Variants in IGLL5 observed in about 807,000 individuals in gnomAD.
The protein encoded by IGLL5 is immunoglobulin lambda like polypeptide 5, also known as immunoglobulin lambda-like polypeptide 5.
In IGLL5, 30 loss-of-function variants were observed where a neutral mutation model predicts 20.9. The ratio of observed to expected loss-of-function variants is 1.44; its 90% CI spans 1.07 to 1.95. IGLL5 has a LOEUF of 1.95. IGLL5 is among the 30% of genes most tolerant of loss of function. The probability of loss-of-function intolerance (pLI) is 0.00; values close to 1 mark genes in which losing one functional copy is unlikely to be tolerated. For synonymous variants in IGLL5, 203 were observed against 117.3 expected (o/e 1.73, Z -4.72); for missense variants, 475 against 270.7 (o/e 1.75, Z -5.30).
rs561384152 is a variant in IGLL5 at position 22,893,443 on chromosome 22, C to A, written c.207-257C>A. On this transcript the variant is annotated intron_variant, in intron 1 of 2. Coordinates refer to ENST00000526893, the MANE Select transcript of IGLL5 (RefSeq NM_001178126.2). ...GTTGGACAGGTCCAAGCCAACTCAG[C>A]ACTCCTCTGCCACACTGCACAGGAG... 4.0e-5 allele frequency among the ~76,000 whole-genome samples: 6 copies of A among 151,182 alleles called. No individual in the cohort carries two copies. In the East Asian group the frequency reaches 1.2e-3, roughly 31 times the overall value.
At chr22:22,888,705 C>G in intron 1 of IGLL5, among the ~76,000 whole-genome samples, 1 of 151,366 alleles carries the variant, frequency 6.6e-6, no homozygotes, top group Middle Eastern at 3.7e-3. Context: ...GCAGCAAGGG[C>G]TTGGTTTGGT....
chr22:22,894,208 T>C (rs1601624552), intron 2 of IGLL5, among the ~76,000 whole-genome samples: 3 of 151,098 alleles, frequency 2.0e-5, no homozygotes, highest in South Asian at 2.1e-4. Flanking sequence ...AGCTGCTGAG[T>C]CTCATAGTCT....
At chr22:22,892,263 ATCT>A (rs1324450437) in intron 1 of IGLL5, among the ~76,000 whole-genome samples, 1 of 151,214 alleles carries the variant, frequency 6.6e-6, no homozygotes, top group Non-Finnish European at 1.5e-5. Context: ...TGTTTCAAAA[ATCT>A]TCTGCACATG....
At position 22,893,686 on chromosome 22, in the gene IGLL5, G is replaced by T; in HGVS notation, c.207-14G>T. 1 of 1,574,470 alleles carries T rather than the reference G, an allele frequency of 6.4e-7. No individual in the cohort carries two copies. Among genetic ancestry groups the T allele is most frequent in the South Asian group, 1.1e-5 (1 of 88,384 alleles). ...CCCCGCCCACTGCAACCCTGTGCCC[G>T]TCATGCCCAGCAGGCTCCTGCTCCA... On this transcript the variant is annotated splice_polypyrimidine_tract_variant and intron_variant, in intron 1 of 2. Transcript: ENST00000526893.
chr22:22,889,917 T>C (rs561758718), intron 1 of IGLL5, among the ~76,000 whole-genome samples: 1 of 151,316 alleles, frequency 6.6e-6, no homozygotes, highest in East Asian at 2.0e-4. Context: ...TTAAAGTATA[T>C]ATGCATTTTC....
chr22:22,894,878 T>A (rs529991236), intron 2 of IGLL5, among the ~76,000 whole-genome samples: 2 of 151,280 alleles, frequency 1.3e-5, no homozygotes, highest in Admixed American at 6.6e-5. Context: ...CTGTGAGGGA[T>A]AGGAAGCTCC....
chr22:22,889,285 T>A (rs1601607330), intron 1 of IGLL5, among the ~76,000 whole-genome samples: 2 of 150,940 alleles, frequency 1.3e-5, no homozygotes, highest in South Asian at 2.1e-4. Context: ...AATGGGAGCA[T>A]GAAGTTGAAG....
chr22:22,894,196 GGA>G (rs2067996766), intron 2 of IGLL5, among the ~76,000 whole-genome samples: 1 of 151,350 alleles, frequency 6.6e-6, no homozygotes, highest in African/African-American at 2.4e-5. Flanking sequence ...GGTGGGCCTG[GGA>G]GCTGCTGAGT....
chr22:22,894,304 A>G (rs2068013969), intron 2 of IGLL5, among the ~76,000 whole-genome samples: 5 of 151,366 alleles, frequency 3.3e-5, no homozygotes, highest in East Asian at 2.0e-4. Context: ...GCCTGGTGAC[A>G]CAGAGGTCAC....
At chr22:22,890,222 T>G (rs2067785068) in intron 1 of IGLL5, among the ~76,000 whole-genome samples, 2 of 149,812 alleles carry the variant, frequency 1.3e-5, no homozygotes, top group African/African-American at 4.9e-5. Context: ...TGCTTCTGCT[T>G]ACCATCTCTC....
chr22:22,888,563 A>AGGCAGG, intron 1 of IGLL5, among the ~76,000 whole-genome samples: 1 of 151,372 alleles, frequency 6.6e-6, no homozygotes, highest in East Asian at 2.0e-4. Flanking sequence ...GAAGGAACAG[A>AGGCAGG]GGCAGGGACA....
rs773989304 is a variant in IGLL5 at position 22,888,028 on chromosome 22, A to T, written c.-26A>T. ...GGGAGCCCATGCTGCAAGTCGGGCC[A>T]GAGGTGCCCCTGAACCTGAAGGCCA... is the stretch of plus-strand genomic sequence containing the variant. On this transcript the variant is annotated 5_prime_UTR_variant, in exon 1 of 3. Transcript: ENST00000526893. 6.5e-7 allele frequency: 1 copy of T among 1,542,542 alleles called. No homozygotes were observed.
At position 22,894,292 on chromosome 22, in the gene IGLL5, C is replaced by T. The variant is rs567827941; in HGVS notation, c.325+474C>T. Among the ~76,000 whole-genome samples, 138 of 151,222 alleles carry T rather than the reference C, an allele frequency of 9.1e-4. 1 individual carries two copies. Among genetic ancestry groups the T allele is most frequent in the Non-Finnish European group, 9.0e-4 (61 of 67,850 alleles). On this transcript the variant is annotated intron_variant, in intron 2 of 2. Transcript: ENST00000526893. ...GCCAATCCAGCCTGGGAGGGCCACACGGCCTGGTGACACAGAGGTCACCCC... is the reference window on the plus strand; with the variant it reads ...GCCAATCCAGCCTGGGAGGGCCACATGGCCTGGTGACACAGAGGTCACCCC...
At chr22:22,888,589 G>A (rs892793947) in intron 1 of IGLL5, among the ~76,000 whole-genome samples, 2 of 151,370 alleles carry the variant, frequency 1.3e-5, no homozygotes, top group Admixed American at 1.3e-4. Flanking sequence ...TCCACAGGGG[G>A]TGGTGGCCAC....
rs551962377 is a variant in IGLL5 at position 22,888,131 on chromosome 22, G to A, written c.78G>A (p.Leu26=). ...LGPGPRQRWP[L]LLLGLAMVAH... is the part of the protein sequence containing the mutation. Reference sequence around the variant, plus strand: ...CTGGTCCCAGGCAGCGCTGGCCCCTGCTGCTGCTGGGTCTGGCCATGGTCG... The same window carrying A: ...CTGGTCCCAGGCAGCGCTGGCCCCTACTGCTGCTGGGTCTGGCCATGGTCG... Residue 26 remains leucine (L), a synonymous_variant, in exon 1 of 3, where the codon CTG becomes CTA. Transcript: ENST00000526893. 20 of 1,548,410 alleles carry A rather than the reference G, an allele frequency of 1.3e-5. 1 individual carries two copies. Among genetic ancestry groups the A allele is most frequent in the African/African-American group, 5.5e-5 (4 of 72,832 alleles).
At chr22:22,894,671 G>A (rs2066680832) in intron 2 of IGLL5, among the ~76,000 whole-genome samples, 2 of 151,280 alleles carry the variant, frequency 1.3e-5, no homozygotes. Flanking sequence ...ACAGGCTGCT[G>A]GGGTGGGCCT....
At chr22:22,889,570 C>T (rs2067734382) in intron 1 of IGLL5, among the ~76,000 whole-genome samples, 4 of 151,204 alleles carry the variant, frequency 2.6e-5, no homozygotes, top group Admixed American at 6.6e-5. Context: ...TGTGAAAAAA[C>T]ACAATTGTAT....
At chr22:22,893,962 TGCATTAGTCTCCGGGTAACC>T in intron 2 of IGLL5, 144 bp downstream of exon 2, 1 of 693,020 alleles carries the variant, frequency 1.4e-6, no homozygotes, top group Non-Finnish European at 2.6e-6. Context: ...CTGGAGGAGG[TGCATTAGTCTCCGGGTAACC>T]GGCAGGAAGG....
chr22:22,892,838 G>A (rs1204646307), intron 1 of IGLL5, among the ~76,000 whole-genome samples: 2 of 151,096 alleles, frequency 1.3e-5, no homozygotes, highest in Non-Finnish European at 2.9e-5. Flanking sequence ...CTGGGAGTCA[G>A]CAGTTGGGCA....
Sources: gnomAD v4.1 joint callset for allele counts (sites outside exome capture counted in the v4.1 genomes callset) on GRCh38, gnomAD v4.1.1 for gene constraint, MANE v1.5 for transcripts, NCBI Gene and HGNC (gene_info 2026-07-23, HGNC 2026-07-21) for gene names.